The following SYMPK variants were observed in gnomAD, a reference collection of about 807,000 sequenced individuals.
SYMPK encodes the protein symplekin.
Under a neutral mutation model 136.4 loss-of-function variants are expected in SYMPK, and 49 were observed. The ratio of observed to expected loss-of-function variants is 0.36; its 90% confidence interval spans 0.29 to 0.46. The LOEUF (loss-of-function observed/expected upper bound fraction) is 0.46. SYMPK is among the 20% of genes least tolerant of loss of function. The pLI is 1.00. For missense variants in SYMPK, 1,365 were observed against 1,690.0 expected (o/e 0.81, Z 3.37); for synonymous variants, 766 against 713.0 (o/e 1.07, Z -1.19).
chr19:45,846,723 G>A (rs1333110450), intron 7 of SYMPK, among the ~76,000 whole-genome samples: 2 of 152,060 alleles, frequency 1.3e-5, no homozygotes, highest in African/African-American at 4.8e-5. Context: ...GTTTATCTCT[G>A]GAAAGCAGGA....
Position 45,844,018 on chromosome 19 carries a change from A to T in SYMPK, c.847+12T>A. 2 of 1,476,502 alleles carry T rather than the reference A, an allele frequency of 1.4e-6. No individual in the cohort carries two copies. Among genetic ancestry groups the T allele is most frequent in the Non-Finnish European group, 1.8e-6 (2 of 1,102,494 alleles). The allele number at this position is 1,476,502 out of a possible 1,614,324, so 91.5% of individuals were successfully genotyped here. On this transcript the variant is annotated intron_variant, in intron 8 of 26. Transcript: ENST00000245934. The stretch of plus-strand genomic sequence containing the variant: ...AGAGAAGGCAGGGGGAGGGGGGAGG[A>T]CAATGACCTACCATGCAGAGTTTCA...
intron 15 of SYMPK, 58 bp downstream of exon 15, chr19:45,827,779 C>T (rs949555639): frequency 1.3e-6 from 2 of 1,580,692 alleles, no homozygotes; most frequent in African/African-American, 2.7e-5. Flanking sequence ...CCTTCAGACC[C>T]CTCAGGGCAG....
chr19:45,829,243 G>T lies in SYMPK; in HGVS notation c.1750-38C>A. 2.6e-6 allele frequency: 4 copies of T among 1,566,592 alleles called. No individual in the cohort carries two copies. In the South Asian group the frequency reaches 3.4e-5, roughly 13 times the overall value. ...TGAGCCAGCATGTCAGTGTAGGGTGGGCAATCCAGGGACTCCGCAATCGTG... is the reference window on the plus strand; with the variant it reads ...TGAGCCAGCATGTCAGTGTAGGGTGTGCAATCCAGGGACTCCGCAATCGTG... On this transcript the variant is annotated intron_variant, in intron 13 of 26. Coordinates refer to ENST00000245934, the MANE Select transcript of SYMPK (RefSeq NM_004819.3).
intron 10 of SYMPK, among the ~76,000 whole-genome samples, chr19:45,837,332 G>A (rs1339469298): frequency 6.6e-6 from 1 of 151,202 alleles, no homozygotes; most frequent in East Asian, 1.9e-4. Flanking sequence ...ACAAAAGGTA[G>A]AATGGCCGGG....
At chr19:45,860,487 A>C (rs1377317442) in intron 1 of SYMPK, among the ~76,000 whole-genome samples, 1 of 40,334 alleles carries the variant, frequency 2.5e-5, no homozygotes, top group Non-Finnish European at 5.3e-5. Context: ...AAAAAAACCC[A>C]CACACACAGA....
At chr19:45,856,871 C>T (rs994035280) in intron 1 of SYMPK, among the ~76,000 whole-genome samples, 5 of 152,022 alleles carry the variant, frequency 3.3e-5, no homozygotes, top group African/African-American at 9.7e-5. Flanking sequence ...AATCCCAGCA[C>T]CTTGGGAGGC....
chr19:45,815,824 C>T (rs763086717), intron 26 of SYMPK, 27 bp downstream of exon 26: 143 of 1,608,360 alleles, frequency 8.9e-5, no homozygotes, highest in Non-Finnish European at 1.2e-4. Context: ...CGGCTTCTTC[C>T]TTCGCAGCGG....
chr19:45,842,476 CG>C lies in SYMPK; in HGVS notation c.860del (p.Pro287ArgfsTer8). On this transcript the variant is annotated frameshift_variant, in exon 9 of 27. Coordinates refer to ENST00000245934, the MANE Select transcript of SYMPK (RefSeq NM_004819.3). LOFTEE classifies it high-confidence loss of function. ...TGCTCACCTGCGATTTGGCCAGCGTCGGGGGCAGGTTGGCTGTGAGGAAAGT... is the reference window on the plus strand; with the variant it reads ...TGCTCACCTGCGATTTGGCCAGCGTCGGGGCAGGTTGGCTGTGAGGAAAGT... ...AYETLHANLP[P>X]TLAKSQVSSV... is the part of the protein sequence containing the mutation. The C allele has an allele frequency of 6.2e-7, 1 of 1,611,746 alleles. No homozygotes were observed.
At chr19:45,839,044 G>A (rs781569504) in intron 9 of SYMPK, among the ~76,000 whole-genome samples, 3 of 152,124 alleles carry the variant, frequency 2.0e-5, no homozygotes, top group Non-Finnish European at 4.4e-5. Flanking sequence ...GCGCCACCAG[G>A]CCCAGCTAAT....
intron 11 of SYMPK, among the ~76,000 whole-genome samples, 186 bp from the exon 12 acceptor site, chr19:45,831,774 T>C (rs1971180910): frequency 6.6e-6 from 1 of 152,158 alleles, no homozygotes; most frequent in Non-Finnish European, 1.5e-5. Flanking sequence ...AGGCTCAAAC[T>C]AGAAATGCCA....
intron 22 of SYMPK, among the ~76,000 whole-genome samples, chr19:45,818,460 G>A (rs1970807872): frequency 6.6e-6 from 1 of 152,164 alleles, no homozygotes; most frequent in Non-Finnish European, 1.5e-5. Flanking sequence ...CAAGCCCTGG[G>A]GGAGTGGCAG....
chr19:45,857,271 A>G (rs868660950), intron 1 of SYMPK, among the ~76,000 whole-genome samples: 1 of 150,746 alleles, frequency 6.6e-6, no homozygotes, highest in African/African-American at 2.4e-5. Flanking sequence ...TATGCCGGGC[A>G]TGGTGGCGGG....
chr19:45,846,265 T>A (rs1971557833), intron 7 of SYMPK, among the ~76,000 whole-genome samples: 2 of 152,150 alleles, frequency 1.3e-5, no homozygotes, highest in Non-Finnish European at 2.9e-5. Flanking sequence ...AAAATCTAAA[T>A]GACCATCAAC....
chr19:45,822,892 C>T (rs1178239518), intron 20 of SYMPK, 46 bp from the exon 21 acceptor site: 1 of 1,482,276 alleles, frequency 6.7e-7, no homozygotes, highest in African/African-American at 1.4e-5. Flanking sequence ...CACATACACC[C>T]TCATTTCCCT....
At chr19:45,822,509 G>A (rs1302988953) in intron 21 of SYMPK, among the ~76,000 whole-genome samples, 1 of 152,190 alleles carries the variant, frequency 6.6e-6, no homozygotes, top group Non-Finnish European at 1.5e-5. Flanking sequence ...GATCCTAAAA[G>A]GGAAGATGCT....
intron 9 of SYMPK, among the ~76,000 whole-genome samples, chr19:45,840,181 G>A (rs1971400877): frequency 6.6e-6 from 1 of 151,472 alleles, no homozygotes; most frequent in Non-Finnish European, 1.5e-5. Context: ...CAGATATGAT[G>A]GCGCGCACCA....
intron 5 of SYMPK, among the ~76,000 whole-genome samples, chr19:45,849,745 G>A (rs1971651844): frequency 1.3e-5 from 2 of 152,114 alleles, no homozygotes; most frequent in Non-Finnish European, 2.9e-5. Flanking sequence ...TTGCAGACAT[G>A]AGTTAAAATC....
At chr19:45,817,172 T>C in intron 23 of SYMPK, 198 bp from the exon 24 acceptor site, 2 of 555,122 alleles carry the variant, frequency 3.6e-6, no homozygotes, top group Non-Finnish European at 6.2e-6. Flanking sequence ...CGAGGGCAAC[T>C]TGGGAAGGGG....
chr19:45,852,646 A>G, intron 3 of SYMPK, 111 bp from the exon 4 acceptor site: 1 of 1,301,728 alleles, frequency 7.7e-7, no homozygotes, highest in Non-Finnish European at 1.1e-6. Flanking sequence ...CAGCAGATAC[A>G]CTCATTTCAA....
Sources: gnomAD v4.1 joint callset for allele counts (sites outside exome capture counted in the v4.1 genomes callset) on GRCh38, gnomAD v4.1.1 for gene constraint, MANE v1.5 for transcripts, NCBI Gene and HGNC (gene_info 2026-07-23, HGNC 2026-07-21) for gene names.